The following UNC5D variants were observed in gnomAD, a reference collection of about 807,000 sequenced individuals.
The protein encoded by UNC5D is unc-5 netrin receptor D, also known as netrin receptor UNC5D.
Under a neutral mutation model 105.4 loss-of-function variants are expected in UNC5D, and 39 were observed. The observed-to-expected ratio is 0.37, with a 90% CI of 0.29 to 0.48. The LOEUF (loss-of-function observed/expected upper bound fraction) is 0.48, where lower values mean the gene tolerates loss of function less well. UNC5D is among the 20% of genes least tolerant of loss of function. The probability of loss-of-function intolerance (pLI) is 0.98; values close to 1 mark genes in which losing one functional copy is unlikely to be tolerated. For missense variants in UNC5D, 991 were observed against 1,202.4 expected, an observed-to-expected ratio of 0.82 and a Z score of 2.60; for synonymous variants, 452 against 450.4, an observed-to-expected ratio of 1.00 and a Z score of -0.04.
intron 7 of UNC5D, among the ~76,000 whole-genome samples, chr8:35,700,533 G>A (rs1222326828): frequency 6.6e-6 from 1 of 152,092 alleles, no homozygotes; most frequent in Admixed American, 6.6e-5. Flanking sequence ...AGCAATCCCT[G>A]CAAATGGAGT....
intron 1 of UNC5D, among the ~76,000 whole-genome samples, chr8:35,393,166 G>T (rs374500895): frequency 1.8e-5 from 2 of 112,720 alleles, no homozygotes; most frequent in African/African-American, 7.0e-5. Context: ...ACGGAGTCTC[G>T]CTGTCGCCCA....
At chr8:35,461,143 A>G (rs755034104) in intron 1 of UNC5D, among the ~76,000 whole-genome samples, 25 of 152,210 alleles carry the variant, frequency 1.6e-4, no homozygotes, top group Non-Finnish European at 2.8e-4. Flanking sequence ...GCGGGATGTT[A>G]GCTACCTGGG....
intron 1 of UNC5D, among the ~76,000 whole-genome samples, chr8:35,474,814 C>G (rs1440960594): frequency 6.6e-6 from 1 of 152,154 alleles, no homozygotes; most frequent in African/African-American, 2.4e-5. Flanking sequence ...ATTCCCTTGA[C>G]TAATAAAACT....
At chr8:35,482,377 C>A (rs962591316) in intron 1 of UNC5D, among the ~76,000 whole-genome samples, 1 of 152,138 alleles carries the variant, frequency 6.6e-6, no homozygotes, top group Non-Finnish European at 1.5e-5. Context: ...AAAATTTGGG[C>A]ACATTTCTGT....
chr8:35,399,202 TGGAGGGA>T (rs1288303572), intron 1 of UNC5D, among the ~76,000 whole-genome samples: 1 of 151,374 alleles, frequency 6.6e-6, no homozygotes, highest in African/African-American at 2.4e-5. Context: ...CTCTCACCAT[TGGAGGGA>T]GGAATTTTGC....
chr8:35,317,558 A>G (rs1809399325), intron 1 of UNC5D, among the ~76,000 whole-genome samples: 2 of 152,132 alleles, frequency 1.3e-5, no homozygotes, highest in Admixed American at 1.3e-4. Context: ...AGAGACTAAC[A>G]GAAAGCAGAA....
chr8:35,571,157 AAC>A (rs1423682653), intron 3 of UNC5D, among the ~76,000 whole-genome samples: 1 of 152,114 alleles, frequency 6.6e-6, no homozygotes, highest in East Asian at 1.9e-4. Flanking sequence ...AGCCCCAGAG[AAC>A]ACTGTTCTAT....
intron 1 of UNC5D, among the ~76,000 whole-genome samples, chr8:35,326,574 G>A (rs984659642): frequency 4.5e-4 from 68 of 152,176 alleles, no homozygotes; most frequent in African/African-American, 1.4e-3. Flanking sequence ...GGGCAGCATA[G>A]CAAGACAAGG....
At chr8:35,482,016 T>TATAG (rs533824455) in intron 1 of UNC5D, among the ~76,000 whole-genome samples, 10 of 152,272 alleles carry the variant, frequency 6.6e-5, no homozygotes, top group South Asian at 2.1e-4. Flanking sequence ...GAGAGAAATA[T>TATAG]ATAGATAGAT....
intron 1 of UNC5D, among the ~76,000 whole-genome samples, chr8:35,344,338 C>G (rs1811658435): frequency 6.6e-6 from 1 of 152,008 alleles, no homozygotes; most frequent in African/African-American, 2.4e-5. Context: ...TTTGGCAGTA[C>G]AATTCCATGA....
intron 1 of UNC5D, among the ~76,000 whole-genome samples, chr8:35,352,142 TAAGTA>T (rs1485610674): frequency 4.6e-5 from 7 of 152,196 alleles, no homozygotes; most frequent in Admixed American, 3.3e-4. Context: ...GAAAAATATA[TAAGTA>T]AAGAGGCTAT....
chr8:35,780,938 T>A (rs887944024), intron 16 of UNC5D, among the ~76,000 whole-genome samples: 6 of 152,198 alleles, frequency 3.9e-5, no homozygotes, highest in Non-Finnish European at 8.8e-5. Context: ...GAGAATATTT[T>A]AAGTGATTAA....
chr8:35,525,432 AGAGAGACACCAGCACT>A, intron 1 of UNC5D: 1 of 1,612,174 alleles, frequency 6.2e-7, no homozygotes. Flanking sequence ...CTGGCCCTCT[AGAGAGACACCAGCACT>A]GATTGCATAG....
chr8:35,550,959 C>T (rs1816089248), intron 2 of UNC5D, among the ~76,000 whole-genome samples: 1 of 152,088 alleles, frequency 6.6e-6, no homozygotes, highest in Non-Finnish European at 1.5e-5. Context: ...AATTTATGTA[C>T]AAGAATAGCA....
chr8:35,268,520 A>T (rs1439643884), intron 1 of UNC5D, among the ~76,000 whole-genome samples: 3 of 152,104 alleles, frequency 2.0e-5, no homozygotes, highest in Non-Finnish European at 4.4e-5. Flanking sequence ...ATTAAATCAC[A>T]TTTCTCTGGC....
chr8:35,747,005 TCTCCTTGC>T (rs1425039400), intron 11 of UNC5D, among the ~76,000 whole-genome samples: 1 of 152,152 alleles, frequency 6.6e-6, no homozygotes, highest in African/African-American at 2.4e-5. Flanking sequence ...CCAGTCCCGC[TCTCCTTGC>T]CTCCCCTACT....
chr8:35,606,291 T>G (rs186153032), intron 4 of UNC5D, among the ~76,000 whole-genome samples: 108 of 152,232 alleles, frequency 7.1e-4, no homozygotes, highest in African/African-American at 2.5e-3. Flanking sequence ...TGACCCAGTT[T>G]CCTTTTTTTG....
intron 1 of UNC5D, among the ~76,000 whole-genome samples, chr8:35,262,847 C>A (rs979565055): frequency 2.0e-5 from 3 of 152,184 alleles, no homozygotes; most frequent in African/African-American, 7.2e-5. Flanking sequence ...AATACTAGAG[C>A]AAGATTTGCC....
intron 1 of UNC5D, among the ~76,000 whole-genome samples, chr8:35,438,375 G>A (rs1284840601): frequency 6.6e-6 from 1 of 151,938 alleles, no homozygotes; most frequent in Non-Finnish European, 1.5e-5. Context: ...GTGTCTTCAT[G>A]GTGCCTCAGT....
Sources: allele counts gnomAD v4.1 joint callset (sites outside exome capture counted in the v4.1 genomes callset), GRCh38; gene constraint gnomAD v4.1.1; transcripts MANE v1.5; gene names NCBI Gene and HGNC (gene_info 2026-07-23, HGNC 2026-07-21).